The following PGPEP1L variants were observed in gnomAD, a reference collection of about 807,000 sequenced individuals.
The protein encoded by PGPEP1L is pyroglutamyl-peptidase I like.
PGPEP1L carries 7 observed loss-of-function variants against 6.0 expected under a neutral mutation model. That is an observed-to-expected ratio of 1.17 (90% confidence interval 0.66 to 2.19). PGPEP1L has a LOEUF of 2.19. Ranked by LOEUF, PGPEP1L falls within the 30% of genes most tolerant of loss-of-function variation. PGPEP1L has a pLI of 0.00. For missense variants in PGPEP1L, 209 were observed against 192.5 expected, an observed-to-expected ratio of 1.09 and a Z score of -0.51; for synonymous variants, 103 against 83.9, an observed-to-expected ratio of 1.23 and a Z score of -1.24.
At chr15:98,986,091 T>TC (rs758735426) in intron 2 of PGPEP1L, among the ~76,000 whole-genome samples, 4 of 152,240 alleles carry the variant, frequency 2.6e-5, no homozygotes, top group Non-Finnish European at 5.9e-5. Flanking sequence ...CCATGTCCTC[T>TC]CCCTAAACAG....
intron 2 of PGPEP1L, chr15:98,998,007 C>A (rs898952258): frequency 6.6e-6 from 1 of 152,552 alleles, no homozygotes; most frequent in Admixed American, 6.5e-5. Flanking sequence ...CCTGCCCCTG[C>A]GGATCTGGTT....
rs114811051 is a variant in PGPEP1L at position 98,999,907 on chromosome 15, G to A, written c.-142+5522C>T. 1.6e-3 allele frequency among the ~76,000 whole-genome samples: 242 copies of A among 152,356 alleles called. 2 individuals are homozygous for A. The highest frequency in any genetic ancestry group is 5.4e-3 in the African/African-American group (223 of 41,594). On this transcript the variant is annotated intron_variant, in intron 2 of 4. Transcript: ENST00000535714. The stretch of plus-strand genomic sequence containing the variant: ...TGCTGGCAGTCCTTGCAGCCCTTGC[G>A]CACTCTCAGCCCCTCCTGTGCCTGG...
chr15:98,987,446 T>C (rs2017763519), intron 2 of PGPEP1L, among the ~76,000 whole-genome samples: 1 of 151,976 alleles, frequency 6.6e-6, no homozygotes, highest in Non-Finnish European at 1.5e-5. Context: ...ACCACCAAGC[T>C]TCCCAGGACA....
chr15:98,978,041 G>A lies in PGPEP1L; in HGVS notation c.-141-6883C>T, dbSNP rs185984137. Among the ~76,000 whole-genome samples the A allele has an allele frequency of 7.9e-5, 12 of 152,326 alleles. 1 individual carries two copies. Among genetic ancestry groups the A allele is most frequent in the Admixed American group, 7.8e-4 (12 of 15,302 alleles). Reference sequence around the variant, plus strand: ...AAAAATAGGGTGAGCCCAGCAGGCTGTTGGCTGAGGGCTGCTGCCCAAAAG... The same window carrying A: ...AAAAATAGGGTGAGCCCAGCAGGCTATTGGCTGAGGGCTGCTGCCCAAAAG... On this transcript the variant is annotated intron_variant, in intron 2 of 4. Coordinates refer to ENST00000535714, the MANE Select transcript of PGPEP1L (RefSeq NM_001167902.2).
At chr15:98,990,677 A>G (rs894147571) in intron 2 of PGPEP1L, among the ~76,000 whole-genome samples, 20 of 152,220 alleles carry the variant, frequency 1.3e-4, no homozygotes, top group African/African-American at 4.8e-4. Context: ...TCAGCACCAC[A>G]TCACACTTAT....
intron 2 of PGPEP1L, among the ~76,000 whole-genome samples, chr15:98,979,504 C>A (rs2017623733): frequency 6.6e-6 from 1 of 152,006 alleles, no homozygotes; most frequent in Admixed American, 6.6e-5. Flanking sequence ...GTGAAACCAG[C>A]CCAAATTCCC....
At chr15:99,007,048 C>T (rs1389128797) in intron 1 of PGPEP1L, among the ~76,000 whole-genome samples, 2 of 152,106 alleles carry the variant, frequency 1.3e-5, no homozygotes, top group Admixed American at 6.6e-5. Flanking sequence ...TTGGGATCAC[C>T]CCCGCGGATT....
chr15:98,984,951 C>A (rs2017725531), intron 2 of PGPEP1L, among the ~76,000 whole-genome samples: 1 of 152,048 alleles, frequency 6.6e-6, no homozygotes, highest in South Asian at 2.1e-4. Flanking sequence ...TAGGAAACTG[C>A]TGCTTCCAGA....
chr15:98,982,700 C>CTTTTTTTTGTTTTTTTTTT (rs2017682979), intron 2 of PGPEP1L, among the ~76,000 whole-genome samples: 1 of 52,458 alleles, frequency 1.9e-5, no homozygotes, highest in Non-Finnish European at 4.2e-5. Context: ...TTATCTGAGG[C>CTTTTTTTTGTTTTTTTTTT]TTTTTTTTTT....
chr15:98,987,431 G>A lies in PGPEP1L; in HGVS notation c.-141-16273C>T, dbSNP rs146142658. Among the ~76,000 whole-genome samples, 1,013 of 151,910 alleles carry A rather than the reference G, an allele frequency of 6.7e-3. 11 individuals are homozygous for A. The highest frequency in any genetic ancestry group is 0.023 in the African/African-American group (966 of 41,454). On this transcript the variant is annotated intron_variant, in intron 2 of 4. Transcript: ENST00000535714. ...TCAGGAGCAAATGTTTCTGATAGAC[G>A]CAACACCACCAAGCTTCCCAGGACA...
intron 2 of PGPEP1L, among the ~76,000 whole-genome samples, chr15:99,000,913 C>T (rs1555472935): frequency 6.6e-6 from 1 of 152,134 alleles, no homozygotes; most frequent in Non-Finnish European, 1.5e-5. Context: ...TGCTGCTGCT[C>T]ATTCTTTGGG....
intron 2 of PGPEP1L, among the ~76,000 whole-genome samples, chr15:98,988,612 G>A (rs568918794): frequency 1.3e-5 from 2 of 152,200 alleles, no homozygotes; most frequent in Non-Finnish European, 2.9e-5. Flanking sequence ...AGAGAGGAGC[G>A]GATCTCCCAG....
intron 1 of PGPEP1L, among the ~76,000 whole-genome samples, chr15:99,006,981 G>A (rs1248216437): frequency 3.3e-5 from 5 of 152,176 alleles, no homozygotes; most frequent in Non-Finnish European, 7.3e-5. Context: ...TGTGACAGCA[G>A]GACCACGTGG....
At chr15:98,985,726 G>C (rs994563721) in intron 2 of PGPEP1L, among the ~76,000 whole-genome samples, 8 of 152,216 alleles carry the variant, frequency 5.3e-5, no homozygotes, top group Non-Finnish European at 8.8e-5. Context: ...CCTCAGGCCA[G>C]ATGTGCAACC....
chr15:98,996,524 ATGTGTGTG>A (rs58220323), intron 2 of PGPEP1L, among the ~76,000 whole-genome samples: 116,253 of 151,624 alleles, frequency 0.77, 44,843 homozygotes, highest in Non-Finnish European at 0.8. Flanking sequence ...ATATAGGGGT[ATGTGTGTG>A]TGTGTGTGTG....
chr15:98,985,103 G>A (rs2017728337), intron 2 of PGPEP1L, among the ~76,000 whole-genome samples: 1 of 152,188 alleles, frequency 6.6e-6, no homozygotes, highest in East Asian at 1.9e-4. Flanking sequence ...TGGACGCAGA[G>A]CTTGAGGAGG....
chr15:98,982,901 G>C (rs2017688456), intron 2 of PGPEP1L, among the ~76,000 whole-genome samples: 1 of 151,622 alleles, frequency 6.6e-6, no homozygotes, highest in African/African-American at 2.4e-5. Context: ...AGTAGACACA[G>C]GGTCTCACCC....
chr15:98,978,067 G>C (rs1300432088), intron 2 of PGPEP1L, among the ~76,000 whole-genome samples: 1 of 152,208 alleles, frequency 6.6e-6, no homozygotes. Flanking sequence ...TGCCCAAAAG[G>C]CATCTTGTGG....
chr15:98,980,978 C>G (rs1324882057), intron 2 of PGPEP1L, among the ~76,000 whole-genome samples: 2 of 151,602 alleles, frequency 1.3e-5, no homozygotes, highest in Non-Finnish European at 2.9e-5. Context: ...AGAGGCCTGA[C>G]AAACACTCCC....
Sources: allele counts gnomAD v4.1 joint callset (sites outside exome capture counted in the v4.1 genomes callset), GRCh38; gene constraint gnomAD v4.1.1; transcripts MANE v1.5; gene names NCBI Gene and HGNC (gene_info 2026-07-23, HGNC 2026-07-21).